ABTB3: variants seen among roughly 807,000 people sequenced by gnomAD.
ABTB3 encodes the protein ankyrin repeat and BTB domain containing 3.
At chr12:107,384,459 G>C in the ABTB3 span, among the ~76,000 whole-genome samples, 1 of 152,172 alleles carries the variant, frequency 6.6e-6, no homozygotes. Context: ...GGGTTTCTTT[G>C]TTCCCTAAGT....
At chr12:107,529,776 C>G in the ABTB3 span, among the ~76,000 whole-genome samples, 1 of 152,186 alleles carries the variant, frequency 6.6e-6, no homozygotes, top group Non-Finnish European at 1.5e-5. Context: ...GTTGGAGGCT[C>G]TCAGTCTGAG....
chr12:107,462,272 T>C, the ABTB3 span, among the ~76,000 whole-genome samples: 4 of 152,232 alleles, frequency 2.6e-5, no homozygotes, highest in Non-Finnish European at 5.9e-5. Context: ...GAGTGTAGCT[T>C]TTGGCTTTGC....
At chr12:107,411,380 T>C in the ABTB3 span, among the ~76,000 whole-genome samples, 3 of 152,258 alleles carry the variant, frequency 2.0e-5, no homozygotes, top group African/African-American at 7.2e-5. Context: ...ACTCGAGACT[T>C]GATTGTCTCC....
At chr12:107,435,477 C>G in the ABTB3 span, among the ~76,000 whole-genome samples, 1 of 152,224 alleles carries the variant, frequency 6.6e-6, no homozygotes, top group Admixed American at 6.5e-5. Context: ...TGTTGACAAT[C>G]TTGCTTCTCT....
the ABTB3 span, among the ~76,000 whole-genome samples, chr12:107,522,766 G>T: frequency 7.7e-6 from 1 of 129,262 alleles, no homozygotes; most frequent in African/African-American, 3.0e-5. Context: ...AAGGAATGAA[G>T]GAAGGAAAGA....
At chr12:107,638,914 C>T in the ABTB3 span, among the ~76,000 whole-genome samples, 5 of 152,324 alleles carry the variant, frequency 3.3e-5, no homozygotes, top group Non-Finnish European at 5.9e-5. Context: ...GTACTAGACA[C>T]AGATGAAAGG....
At chr12:107,655,213 AT>A in the ABTB3 span, among the ~76,000 whole-genome samples, 1 of 152,082 alleles carries the variant, frequency 6.6e-6, no homozygotes, top group Non-Finnish European at 1.5e-5. Context: ...CCGGCTGGGA[AT>A]ACAGGCTTAG....
chr12:107,422,415 C>T, the ABTB3 span, among the ~76,000 whole-genome samples: 2 of 152,052 alleles, frequency 1.3e-5, no homozygotes, highest in Non-Finnish European at 2.9e-5. Context: ...AATGGGAGCC[C>T]ACTTTGAATG....
the ABTB3 span, among the ~76,000 whole-genome samples, chr12:107,405,038 C>T: frequency 6.6e-6 from 1 of 152,186 alleles, no homozygotes; most frequent in African/African-American, 2.4e-5. Context: ...GGTGCAGATC[C>T]AAGGCCCTGC....
chr12:107,347,297 T>C, the ABTB3 span, among the ~76,000 whole-genome samples: 2 of 152,176 alleles, frequency 1.3e-5, no homozygotes, highest in Non-Finnish European at 2.9e-5. Flanking sequence ...ATATGAGATA[T>C]AAATATAAAT....
chr12:107,564,090 CTGTGTGTGTGTGTG>C, the ABTB3 span, among the ~76,000 whole-genome samples: 97 of 126,438 alleles, frequency 7.7e-4, no homozygotes, highest in East Asian at 5.4e-3. Flanking sequence ...ATCTATCTCT[CTGTGTGTGTGTGTG>C]TGTGTGTGTG....
chr12:107,351,999 TACTA>T, the ABTB3 span, among the ~76,000 whole-genome samples: 53 of 152,340 alleles, frequency 3.5e-4, no homozygotes, highest in African/African-American at 1.2e-3. Flanking sequence ...CTCACTCCTT[TACTA>T]ACTAATTAAT....
chr12:107,572,465 A>G, the ABTB3 span, among the ~76,000 whole-genome samples: 3 of 152,138 alleles, frequency 2.0e-5, no homozygotes, highest in African/African-American at 7.2e-5. Context: ...GCAAACGGGC[A>G]CAGACCCGGG....
the ABTB3 span, among the ~76,000 whole-genome samples, chr12:107,465,745 A>G: frequency 6.6e-6 from 1 of 152,146 alleles, no homozygotes; most frequent in South Asian, 2.1e-4. Context: ...GGCCTGGCTC[A>G]TCTTGTCTCT....
chr12:107,360,375 G>C, the ABTB3 span, among the ~76,000 whole-genome samples: 1 of 152,184 alleles, frequency 6.6e-6, no homozygotes, highest in Non-Finnish European at 1.5e-5. Flanking sequence ...CTGGATTGGA[G>C]CCCAGCCAGT....
the ABTB3 span, among the ~76,000 whole-genome samples, chr12:107,524,413 GA>G: frequency 6.6e-6 from 1 of 152,162 alleles, no homozygotes; most frequent in Non-Finnish European, 1.5e-5. Flanking sequence ...AGCCAATGTG[GA>G]AACCACTGTT....
At chr12:107,388,907 A>G in the ABTB3 span, among the ~76,000 whole-genome samples, 1 of 152,252 alleles carries the variant, frequency 6.6e-6, no homozygotes, top group Admixed American at 6.5e-5. Flanking sequence ...CCATGGATAC[A>G]TTAATTTAAC....
the ABTB3 span, among the ~76,000 whole-genome samples, chr12:107,370,513 A>G: frequency 1.3e-5 from 2 of 152,226 alleles, no homozygotes; most frequent in Non-Finnish European, 2.9e-5. Context: ...TTAGGAACAC[A>G]GTATTTCTGC....
At chr12:107,532,859 G>A in the ABTB3 span, among the ~76,000 whole-genome samples, 15 of 150,496 alleles carry the variant, frequency 1.0e-4, no homozygotes, top group Non-Finnish European at 1.8e-4. Context: ...GAAAGAATGG[G>A]ATGATATATT....
Sources: allele counts gnomAD v4.1 joint callset (sites outside exome capture counted in the v4.1 genomes callset), GRCh38; gene constraint gnomAD v4.1.1; transcripts MANE v1.5; gene names NCBI Gene and HGNC (gene_info 2026-07-23, HGNC 2026-07-21).